Variants in CRPPA observed in about 807,000 individuals in gnomAD.
The protein encoded by CRPPA is D-ribitol-5-phosphate cytidylyltransferase.
In CRPPA, 43 loss-of-function variants were observed where a neutral mutation model predicts 52.0. That is an observed-to-expected ratio of 0.83 (90% CI 0.65 to 1.07). The LOEUF (loss-of-function observed/expected upper bound fraction) is 1.07. Among genes scored for constraint, CRPPA ranks in the 50% least tolerant of loss-of-function variants. CRPPA has a pLI of 0.00. For synonymous variants in CRPPA, 250 were observed against 203.5 expected (o/e 1.23, Z -1.94); for missense variants, 629 against 551.7 (o/e 1.14, Z -1.40).
chr7:16,167,825 A>G (rs768363218), intron 9 of CRPPA, among the ~76,000 whole-genome samples: 20 of 152,200 alleles, frequency 1.3e-4, no homozygotes, highest in Admixed American at 5.9e-4. Context: ...TCTATTCTTA[A>G]CGAAGTTGTC....
chr7:16,215,945 G>A (rs1782292384), intron 9 of CRPPA, 121 bp downstream of exon 9: 2 of 757,676 alleles, frequency 2.6e-6, no homozygotes, highest in Non-Finnish European at 4.2e-6. Context: ...ACACATAGAT[G>A]AGTAACTTTC....
chr7:16,256,590 AG>A (rs1783647515), intron 8 of CRPPA, among the ~76,000 whole-genome samples: 1 of 152,222 alleles, frequency 6.6e-6, no homozygotes, highest in Non-Finnish European at 1.5e-5. Flanking sequence ...GCCATAAAAA[AG>A]GATGCATTCA....
intron 9 of CRPPA, among the ~76,000 whole-genome samples, chr7:16,116,116 A>T (rs1782366120): frequency 6.6e-6 from 1 of 152,190 alleles, no homozygotes. Flanking sequence ...ATTATTAATT[A>T]TAAAGGTAGT....
At chr7:16,399,702 G>T (rs1221697291) in intron 2 of CRPPA, among the ~76,000 whole-genome samples, 1 of 151,990 alleles carries the variant, frequency 6.6e-6, no homozygotes, top group African/African-American at 2.4e-5. Context: ...AGCAACACGT[G>T]ACCAACATGA....
chr7:16,231,236 A>G (rs1782787362), intron 8 of CRPPA, among the ~76,000 whole-genome samples: 1 of 152,084 alleles, frequency 6.6e-6, no homozygotes, highest in East Asian at 1.9e-4. Flanking sequence ...TTCAATGCAT[A>G]TTTTCTTACT....
chr7:16,127,933 C>T lies in CRPPA; in HGVS notation c.1252-36134G>A, dbSNP rs537831425. 2.3e-4 allele frequency among the ~76,000 whole-genome samples: 35 copies of T among 152,266 alleles called. 1 individual carries two copies. In the South Asian group the frequency reaches 6.8e-3, roughly 30 times the overall value. On this transcript the variant is annotated intron_variant, in intron 9 of 9. Transcript: ENST00000407010. ...ATGTTAATTTTGGTCCCAATTTACA[C>T]TAAGGAAGTAATTAGTTCATGCAAT... is the stretch of plus-strand genomic sequence containing the variant.
intron 2 of CRPPA, among the ~76,000 whole-genome samples, chr7:16,389,918 A>ATATATATATATATATAT (rs1244722979): frequency 3.2e-5 from 2 of 62,998 alleles, no homozygotes; most frequent in African/African-American, 1.4e-4. Flanking sequence ...GTATACAAAA[A>ATATATATATATATATAT]AAAAAAAAAA....
At chr7:16,142,973 C>A (rs936638990) in intron 9 of CRPPA, among the ~76,000 whole-genome samples, 1 of 152,112 alleles carries the variant, frequency 6.6e-6, no homozygotes, top group African/African-American at 2.4e-5. Flanking sequence ...AGACTTGTAA[C>A]TAGGTAGGGT....
At chr7:16,212,553 A>G (rs1782179114) in intron 9 of CRPPA, among the ~76,000 whole-genome samples, 2 of 152,194 alleles carry the variant, frequency 1.3e-5, no homozygotes, top group African/African-American at 4.8e-5. Flanking sequence ...TAATTTCTCC[A>G]GGAAAAGAAA....
At chr7:16,266,854 TTC>T (rs1783970194) in intron 6 of CRPPA, among the ~76,000 whole-genome samples, 2 of 152,166 alleles carry the variant, frequency 1.3e-5, no homozygotes, top group African/African-American at 2.4e-5. Context: ...CTGCTTTTCT[TTC>T]TGTCGAGCTT....
At chr7:16,384,236 C>T (rs568053687) in intron 2 of CRPPA, among the ~76,000 whole-genome samples, 1 of 152,126 alleles carries the variant, frequency 6.6e-6, no homozygotes, top group Admixed American at 6.5e-5. Context: ...GAGTAGAGAG[C>T]TATGAAGCTC....
At chr7:16,178,923 G>A (rs1303627146) in intron 9 of CRPPA, among the ~76,000 whole-genome samples, 2 of 151,958 alleles carry the variant, frequency 1.3e-5, no homozygotes, top group East Asian at 3.9e-4. Context: ...CATAAATTTG[G>A]TTGAGGCTCT....
At chr7:16,115,358 G>C (rs1283808325) in intron 9 of CRPPA, among the ~76,000 whole-genome samples, 1 of 152,102 alleles carries the variant, frequency 6.6e-6, no homozygotes, top group Non-Finnish European at 1.5e-5. Context: ...AAAAAGGAGA[G>C]CTAGAAAATT....
chr7:16,246,924 T>C (rs558114597), intron 8 of CRPPA, among the ~76,000 whole-genome samples: 9 of 152,364 alleles, frequency 5.9e-5, no homozygotes, highest in African/African-American at 2.2e-4. Flanking sequence ...ACTAGCTGCA[T>C]TAGCTCCTAA....
intron 3 of CRPPA, among the ~76,000 whole-genome samples, chr7:16,366,185 T>C (rs1786584253): frequency 6.6e-6 from 1 of 152,114 alleles, no homozygotes; most frequent in South Asian, 2.1e-4. Flanking sequence ...AGTGTACTAA[T>C]CTCATTCATA....
In CRPPA at chr7:16,354,206, T is replaced by C. The variant is rs997465138; in HGVS notation, c.684+21886A>G. On this transcript the variant is annotated intron_variant, in intron 3 of 9. Coordinates refer to ENST00000407010, the MANE Select transcript of CRPPA (RefSeq NM_001101426.4). ...ACAAATGATGGCAAGAATGTTCCTT[T>C]TATCAAAAATAATTTAATTATTTTA... is the stretch of plus-strand genomic sequence containing the variant. Among the ~76,000 whole-genome samples the C allele has an allele frequency of 2.0e-5, 3 of 152,200 alleles. No homozygotes were observed. The South Asian group carries it at 6.2e-4, about 31-fold the overall frequency.
intron 7 of CRPPA, 34 bp downstream of exon 7, chr7:16,258,886 C>T: frequency 7.3e-7 from 1 of 1,372,292 alleles, no homozygotes. Context: ...TTGTTCATAT[C>T]CTTAAGTGCC....
intron 8 of CRPPA, among the ~76,000 whole-genome samples, chr7:16,236,857 A>C (rs1255062280): frequency 6.6e-6 from 1 of 152,130 alleles, no homozygotes; most frequent in African/African-American, 2.4e-5. Flanking sequence ...AATTGTGTCT[A>C]TCCCTGGAAC....
chr7:16,183,032 C>G (rs569549990), intron 9 of CRPPA, among the ~76,000 whole-genome samples: 148 of 152,206 alleles, frequency 9.7e-4, no homozygotes, highest in Middle Eastern at 6.8e-3. Flanking sequence ...AATTCAAGTT[C>G]TTTACAATCA....
Sources: allele counts gnomAD v4.1 joint callset (sites outside exome capture counted in the v4.1 genomes callset), GRCh38; gene constraint gnomAD v4.1.1; transcripts MANE v1.5; gene names NCBI Gene and HGNC (gene_info 2026-07-23, HGNC 2026-07-21).